TPX2: variants seen among roughly 807,000 people sequenced by gnomAD.
The protein encoded by TPX2 is targeting protein for Xklp2.
TPX2 carries 21 observed loss-of-function variants against 93.6 expected under a neutral mutation model. The ratio of observed to expected loss-of-function variants is 0.22; its 90% CI spans 0.16 to 0.32. The LOEUF (loss-of-function observed/expected upper bound fraction) is 0.32. Ranked by LOEUF, TPX2 falls within the 10% of genes least tolerant of loss-of-function variation. The pLI is 1.00. For missense variants in TPX2, 776 were observed against 871.1 expected (o/e 0.89, Z 1.37); for synonymous variants, 281 against 298.3 (o/e 0.94, Z 0.60).
chr20:31,760,378 T>C (rs1407839233), intron 4 of TPX2, among the ~76,000 whole-genome samples, 199 bp downstream of exon 4: 2 of 151,990 alleles, frequency 1.3e-5, no homozygotes, highest in Non-Finnish European at 2.9e-5. Flanking sequence ...TAAGCTAACA[T>C]AGAATTTTTT....
chr20:31,778,932 C>A lies in TPX2; in HGVS notation c.1002C>A (p.Phe334Leu). Residue 334 changes from phenylalanine to leucine, a missense_variant, in exon 10 of 18, where the codon TTC becomes TTA. Coordinates refer to ENST00000300403, the MANE Select transcript of TPX2 (RefSeq NM_012112.5). Reference protein sequence around the residue: ...YVPLAQQVEDFHKRTPNRYHL... With the variant: ...YVPLAQQVEDLHKRTPNRYHL... ...CCCTTGCACAGCAAGTTGAAGACTT[C>A]CATAAACGAACCCCTAACAGATATC... is the stretch of plus-strand genomic sequence containing the variant. 6.2e-7 allele frequency: 1 copy of A among 1,610,114 alleles called. No individual in the cohort carries two copies. Among genetic ancestry groups the A allele is most frequent in the Non-Finnish European group, 8.5e-7 (1 of 1,179,116 alleles).
At chr20:31,789,685 C>T (rs1307334287) in intron 12 of TPX2, among the ~76,000 whole-genome samples, 2 of 152,044 alleles carry the variant, frequency 1.3e-5, no homozygotes, top group Admixed American at 6.6e-5. Flanking sequence ...AATCGAGCCC[C>T]TAGTTAACTT....
Position 31,771,631 on chromosome 20 carries a change from C to G in TPX2, c.557C>G (p.Ser186Cys). 2 of 1,613,840 alleles carry G rather than the reference C, an allele frequency of 1.2e-6. No homozygotes were observed. The highest frequency in any genetic ancestry group is 1.7e-6 in the Non-Finnish European group (2 of 1,179,910). ...HQDTAEKNAS[S>C]PEKAKGRHTV... ...GATACTGCTGAAAAGAATGCATCTT[C>G]CCCAGAGAAAGCCAAGGGTAGACAT... The change falls in exon 7 of 18, where the codon TCC becomes TGC. Residue 186 changes from serine (S) to cysteine (C), a missense_variant. Transcript: ENST00000300403.
chr20:31,771,707 C>G, intron 7 of TPX2, 25 bp downstream of exon 7: 3 of 1,593,996 alleles, frequency 1.9e-6, no homozygotes, highest in Non-Finnish European at 2.6e-6. Flanking sequence ...TGAATTTAAA[C>G]TTTAGAATGA....
At chr20:31,785,645 A>G (rs763883514) in intron 12 of TPX2, among the ~76,000 whole-genome samples, 7 of 151,842 alleles carry the variant, frequency 4.6e-5, no homozygotes, top group African/African-American at 1.5e-4. Flanking sequence ...TTACAGGCGC[A>G]TGCCACCACG....
chr20:31,779,974 A>T (rs2062023148), intron 10 of TPX2, among the ~76,000 whole-genome samples: 1 of 152,240 alleles, frequency 6.6e-6, no homozygotes, highest in African/African-American at 2.4e-5. Flanking sequence ...TTGGGAGTAT[A>T]GGGATAGTAT....
intron 5 of TPX2, among the ~76,000 whole-genome samples, chr20:31,770,030 C>T (rs1000734703): frequency 1.3e-5 from 2 of 152,114 alleles, no homozygotes; most frequent in Non-Finnish European, 2.9e-5. Context: ...GAACTCCTGG[C>T]CTCAAGCAGT....
intron 4 of TPX2, 28 bp from the exon 5 acceptor site, chr20:31,766,524 TTGAG>T: frequency 6.3e-7 from 1 of 1,585,318 alleles, no homozygotes; most frequent in Admixed American, 1.7e-5. Flanking sequence ...TCCTTGGCCT[TTGAG>T]TGCTGACTAG....
chr20:31,762,290 C>G (rs1053885811), intron 4 of TPX2, among the ~76,000 whole-genome samples: 2 of 152,128 alleles, frequency 1.3e-5, no homozygotes, highest in Non-Finnish European at 2.9e-5. Flanking sequence ...AGGTCATGTT[C>G]ATAGGATCTT....
Position 31,793,970 on chromosome 20 carries a change from C to A in TPX2, c.1632C>A (p.Asp544Glu). 1.2e-6 allele frequency: 2 copies of A among 1,613,394 alleles called. No individual in the cohort carries two copies. The highest frequency in any genetic ancestry group is 8.5e-7 in the Non-Finnish European group (1 of 1,179,740). Reference sequence around the variant, plus strand: ...GCCCTTTCTCGTTTGATTCTCGAGACAAAGAACGTCAGTTACAGAAGGAGA... The same window carrying A: ...GCCCTTTCTCGTTTGATTCTCGAGAAAAAGAACGTCAGTTACAGAAGGAGA... Reference protein sequence around the residue: ...EICPFSFDSRDKERQLQKEKK... With the variant: ...EICPFSFDSREKERQLQKEKK... The change falls in exon 14 of 18, where the codon GAC becomes GAA. Residue 544 changes from aspartate (D) to glutamate (E), a missense_variant. Asp to Glu is a conservative substitution (Grantham distance 45, BLOSUM62 2). Coordinates refer to ENST00000300403, the MANE Select transcript of TPX2 (RefSeq NM_012112.5).
At position 31,794,039 on chromosome 20, in the gene TPX2, T is replaced by C. The variant is rs749923348; in HGVS notation, c.1686+15T>C. On this transcript the variant is annotated intron_variant, in intron 14 of 17. Coordinates refer to ENST00000300403, the MANE Select transcript of TPX2 (RefSeq NM_012112.5). Reference sequence around the variant, plus strand: ...AGAAAGGGGAGGTAGGTGTTTCCATTTCTGCAAGTAGTGTAATACTATTCT... The same window carrying C: ...AGAAAGGGGAGGTAGGTGTTTCCATCTCTGCAAGTAGTGTAATACTATTCT... The C allele has an allele frequency of 1.2e-5, 19 of 1,601,586 alleles. 1 individual carries two copies. The Middle Eastern group carries it at 6.7e-4, about 56-fold the overall frequency.
intron 1 of TPX2, among the ~76,000 whole-genome samples, chr20:31,740,391 C>T (rs2061746911): frequency 6.6e-6 from 1 of 152,196 alleles, no homozygotes; most frequent in Non-Finnish European, 1.5e-5. Flanking sequence ...CTACTTGCTG[C>T]TGTAGTAAGG....
At chr20:31,747,049 A>G (rs569960882) in intron 2 of TPX2, among the ~76,000 whole-genome samples, 1 of 152,292 alleles carries the variant, frequency 6.6e-6, no homozygotes, top group East Asian at 1.9e-4. Context: ...GCCCTCTTGC[A>G]GCAAGGATAG....
chr20:31,780,741 G>A (rs2062028055), intron 10 of TPX2, among the ~76,000 whole-genome samples: 4 of 152,060 alleles, frequency 2.6e-5, no homozygotes. Context: ...CACTGGCCAG[G>A]TAAATTAATA....
At chr20:31,749,112 AT>A (rs1426208421) in intron 2 of TPX2, among the ~76,000 whole-genome samples, 1 of 151,640 alleles carries the variant, frequency 6.6e-6, no homozygotes, top group African/African-American at 2.4e-5. Context: ...CGCCTGGCTA[AT>A]TTTTTTGTAT....
intron 9 of TPX2, among the ~76,000 whole-genome samples, chr20:31,778,199 C>T (rs907095557): frequency 2.6e-5 from 4 of 152,182 alleles, no homozygotes; most frequent in African/African-American, 9.7e-5. Context: ...TACTAATAAT[C>T]TCCACTTGCA....
chr20:31,751,784 C>T (rs752532284), intron 2 of TPX2, among the ~76,000 whole-genome samples: 4 of 152,102 alleles, frequency 2.6e-5, no homozygotes, highest in Non-Finnish European at 5.9e-5. Context: ...CTCTTGTCAC[C>T]CAGGCTGGAG....
intron 2 of TPX2, among the ~76,000 whole-genome samples, chr20:31,753,791 C>T (rs937409539): frequency 3.3e-5 from 5 of 151,966 alleles, no homozygotes; most frequent in South Asian, 2.1e-4. Flanking sequence ...TTTGGGTGGC[C>T]GAGGCAGGCA....
intron 7 of TPX2, among the ~76,000 whole-genome samples, chr20:31,773,137 C>T (rs8124122): frequency 1.4e-5 from 2 of 147,582 alleles, no homozygotes; most frequent in African/African-American, 2.6e-5. Flanking sequence ...TCACCACACC[C>T]GGCTAATTTT....
Sources: gnomAD v4.1 joint callset for allele counts (sites outside exome capture counted in the v4.1 genomes callset) on GRCh38, gnomAD v4.1.1 for gene constraint, MANE v1.5 for transcripts, NCBI Gene and HGNC (gene_info 2026-07-23, HGNC 2026-07-21) for gene names.